Variants in RGPD3 observed in about 807,000 individuals in gnomAD.
RGPD3 encodes ranBP2-like and GRIP domain-containing protein 3.
A neutral mutation model predicts 154.5 loss-of-function variants in RGPD3; 62 were observed. That is an observed-to-expected ratio of 0.40 (90% CI 0.33 to 0.50). RGPD3 has a LOEUF of 0.50. Ranked by LOEUF, RGPD3 falls within the 20% of genes least tolerant of loss-of-function variation. RGPD3 has a pLI of 0.59. For synonymous variants in RGPD3, 308 were observed against 607.0 expected (o/e 0.51, Z 7.24); for missense variants, 919 against 1,716.8 (o/e 0.54, Z 8.21).
At chr2:106,440,431 A>T (rs942986136) in intron 8 of RGPD3, among the ~76,000 whole-genome samples, 15 of 151,774 alleles carry the variant, frequency 9.9e-5, no homozygotes, top group African/African-American at 3.7e-4. Context: ...AAAAAAATAC[A>T]GGCAATTTTT....
chr2:106,465,355 A>G (rs1678535807), intron 1 of RGPD3, among the ~76,000 whole-genome samples: 1 of 152,160 alleles, frequency 6.6e-6, no homozygotes, highest in Admixed American at 6.6e-5. Context: ...AATGTAAATG[A>G]CTTTCAATTT....
chr2:106,422,571 AG>A (rs1187425316), intron 20 of RGPD3, among the ~76,000 whole-genome samples: 2 of 151,788 alleles, frequency 1.3e-5, no homozygotes, highest in African/African-American at 2.4e-5. Context: ...CAGTAGAAAC[AG>A]GGTTTCACCA....
chr2:106,462,843 G>A (rs1188752596), intron 1 of RGPD3, among the ~76,000 whole-genome samples: 2 of 150,810 alleles, frequency 1.3e-5, no homozygotes, highest in African/African-American at 2.4e-5. Flanking sequence ...GGTGAAGGCC[G>A]TGATTATACA....
rs1204896610 is a variant in RGPD3 at position 106,404,021 on chromosome 2, T to G, written c.*1198A>C. On this transcript the variant is annotated 3_prime_UTR_variant, in exon 23 of 23. Coordinates refer to ENST00000409886, the MANE Select transcript of RGPD3 (RefSeq NM_001144013.2). ...GTTTGGATCTAGTCATTAAAACATA[T>G]GCAGCGGTGTCAAAGGCAAGTAACA... Among the ~76,000 whole-genome samples the G allele has an allele frequency of 6.6e-6, 1 of 152,260 alleles. No homozygotes were observed. The highest frequency in any genetic ancestry group is 1.9e-4 in the East Asian group (1 of 5,180).
chr2:106,407,423 A>G (rs1398907801), intron 22 of RGPD3, among the ~76,000 whole-genome samples: 1 of 152,146 alleles, frequency 6.6e-6, no homozygotes, highest in Non-Finnish European at 1.5e-5. Context: ...CTCTTCCACA[A>G]TCTGAAGAAC....
Position 106,424,631 on chromosome 2 carries a change from A to C in RGPD3, c.3336T>G (p.His1112Gln), listed in dbSNP as rs567557657. 1 of 1,611,938 alleles carries C rather than the reference A, an allele frequency of 6.2e-7. No individual in the cohort carries two copies. The highest frequency in any genetic ancestry group is 2.2e-5 in the East Asian group (1 of 44,848). ...REQVLKVCAN[H>Q]WITTTMNLKP... ...TCAGGTTCATTGTAGTCGTTATCCAATGATTAGCACACACTTTTAGTACTT... is the reference window on the plus strand; with the variant it reads ...TCAGGTTCATTGTAGTCGTTATCCACTGATTAGCACACACTTTTAGTACTT... Residue 1112 changes from histidine to glutamine, a missense_variant, in exon 20 of 23, where the codon CAT becomes CAG. Transcript: ENST00000409886.
At chr2:106,468,457 A>T (rs1678720459), upstream of RGPD3, 16 of 1,340,204 alleles carry the variant, frequency 1.2e-5, 1 homozygote, top group South Asian at 1.7e-4. Flanking sequence ...AACGTTGGCG[A>T]CTTCGGCGCT....
chr2:106,406,055 TA>T lies in RGPD3; in HGVS notation c.5267-827del, dbSNP rs1158529459. 7.3e-5 allele frequency among the ~76,000 whole-genome samples: 11 copies of T among 151,108 alleles called. No homozygotes were observed. In the East Asian group the frequency reaches 1.9e-3, roughly 27 times the overall value. On this transcript the variant is annotated intron_variant, in intron 22 of 22. Coordinates refer to ENST00000409886, the MANE Select transcript of RGPD3 (RefSeq NM_001144013.2). ...AATATTGTTGACGATAAGAGGATTTTAAAAAAAATTCTTTTAAAACAGAAGC... is the reference window on the plus strand; with the variant it reads ...AATATTGTTGACGATAAGAGGATTTTAAAAAAATTCTTTTAAAACAGAAGC...
At chr2:106,440,371 C>T (rs1282885108) in intron 8 of RGPD3, among the ~76,000 whole-genome samples, 1 of 150,844 alleles carries the variant, frequency 6.6e-6, no homozygotes, top group African/African-American at 2.5e-5. Context: ...ACAGTTGTGT[C>T]TCAGCACACT....
intron 1 of RGPD3, among the ~76,000 whole-genome samples, chr2:106,464,580 AT>A (rs769624780): frequency 0.012 from 1,748 of 150,606 alleles, 12 homozygotes; most frequent in African/African-American, 0.03. Context: ...TCTAAAAAAA[AT>A]ATAAATAAAA....
intron 22 of RGPD3, among the ~76,000 whole-genome samples, chr2:106,407,802 GCAAAT>G (rs1676560659): frequency 6.6e-6 from 1 of 150,810 alleles, no homozygotes; most frequent in African/African-American, 2.4e-5. Context: ...TATATCCTCT[GCAAAT>G]CAAATCAGGC....
chr2:106,413,623 A>G (rs1289163973), intron 21 of RGPD3, among the ~76,000 whole-genome samples: 1 of 152,218 alleles, frequency 6.6e-6, no homozygotes, highest in African/African-American at 2.4e-5. Flanking sequence ...TGGAAGGAAG[A>G]GGGGTGAAGT....
At chr2:106,425,852 A>G in intron 19 of RGPD3, 142 bp downstream of exon 19, 1 of 768,690 alleles carries the variant, frequency 1.3e-6, no homozygotes, top group Non-Finnish European at 1.8e-6. Context: ...TAATTTCTGT[A>G]TTTGGAGATA....
chr2:106,464,209 T>G lies in RGPD3; in HGVS notation c.72+4008A>C, dbSNP rs528456768. On this transcript the variant is annotated intron_variant, in intron 1 of 22. Transcript: ENST00000409886. ...AAACACTAAAAAATTAGCCGGGTGT[T>G]GTGGCGGGTGCCCGTAGTCCCAGCT... 1.3e-3 allele frequency among the ~76,000 whole-genome samples: 196 copies of G among 151,672 alleles called. 3 individuals are homozygous for G. The East Asian group carries it at 0.028, about 22-fold the overall frequency.
chr2:106,449,886 A>G (rs1288457808), intron 6 of RGPD3, among the ~76,000 whole-genome samples: 6 of 151,642 alleles, frequency 4.0e-5, no homozygotes, highest in Non-Finnish European at 7.4e-5. Flanking sequence ...GTGTGGTGGC[A>G]GGCACCTGTA....
intron 6 of RGPD3, among the ~76,000 whole-genome samples, chr2:106,450,909 C>T (rs62152519): frequency 0.13 from 14,299 of 114,262 alleles, 592 homozygotes; most frequent in Non-Finnish European, 0.16. Flanking sequence ...TGAGACCATC[C>T]TGAACCCCGT....
chr2:106,421,445 A>AT (rs1676983481), intron 20 of RGPD3, among the ~76,000 whole-genome samples: 1 of 151,850 alleles, frequency 6.6e-6, no homozygotes, highest in African/African-American at 2.4e-5. Flanking sequence ...AACTGGTATA[A>AT]TTAAAAAAAA....
chr2:106,442,160 C>T (rs1452825319), intron 7 of RGPD3, among the ~76,000 whole-genome samples: 5 of 86,038 alleles, frequency 5.8e-5, no homozygotes, highest in East Asian at 2.7e-4. Context: ...CCAGCTTGGG[C>T]GACAGAGTGA....
chr2:106,446,800 T>G (rs71270220), intron 7 of RGPD3, among the ~76,000 whole-genome samples: 1 of 151,700 alleles, frequency 6.6e-6, no homozygotes, highest in African/African-American at 2.4e-5. Flanking sequence ...GAGAATCACT[T>G]GAACCCAGGA....
Sources: allele counts gnomAD v4.1 joint callset (sites outside exome capture counted in the v4.1 genomes callset), GRCh38; gene constraint gnomAD v4.1.1; transcripts MANE v1.5; gene names NCBI Gene and HGNC (gene_info 2026-07-23, HGNC 2026-07-21).